The following FANCC variants were observed in gnomAD, a reference collection of about 807,000 sequenced individuals.
FANCC encodes Fanconi anemia group C protein.
A neutral mutation model predicts 71.3 loss-of-function variants in FANCC; 55 were observed. The ratio of observed to expected loss-of-function variants is 0.77; its 90% CI spans 0.62 to 0.97. The LOEUF is 0.97. Among genes scored for constraint, FANCC ranks in the 50% least tolerant of loss-of-function variants. FANCC has a pLI of 0.00. For synonymous variants in FANCC, 275 were observed against 244.9 expected (o/e 1.12, Z -1.15); for missense variants, 678 against 670.9 (o/e 1.01, Z -0.12).
chr9:95,123,835 TG>T (rs1214529248), intron 10 of FANCC: 7 of 657,390 alleles, frequency 1.1e-5, no homozygotes, highest in Admixed American at 5.4e-5. Context: ...GACCTGCGGA[TG>T]CTGCCCCACA....
intron 7 of FANCC, among the ~76,000 whole-genome samples, chr9:95,139,132 G>A (rs1322972891): frequency 4.6e-5 from 7 of 152,184 alleles, no homozygotes; most frequent in Non-Finnish European, 1.0e-4. Flanking sequence ...TCTGAACCAG[G>A]CTGGCTTTAA....
intron 14 of FANCC, among the ~76,000 whole-genome samples, chr9:95,104,312 A>G (rs2071277015): frequency 6.6e-6 from 1 of 152,222 alleles, no homozygotes; most frequent in Non-Finnish European, 1.5e-5. Flanking sequence ...GGGTGCCCAG[A>G]TGGCCAGCAT....
chr9:95,268,191 T>C (rs1008878550), intron 1 of FANCC, among the ~76,000 whole-genome samples: 1 of 152,230 alleles, frequency 6.6e-6, no homozygotes, highest in Non-Finnish European at 1.5e-5. Context: ...CCTGAAATGC[T>C]TCAGGCAACA....
In FANCC at chr9:95,275,909, T is replaced by C. The variant is rs561875603; in HGVS notation, c.-78-26540A>G. Among the ~76,000 whole-genome samples, 3 of 152,146 alleles carry C rather than the reference T, an allele frequency of 2.0e-5. No individual in the cohort carries two copies. In the South Asian group the frequency reaches 6.2e-4, roughly 32 times the overall value. ...CTACACACTCTGAGCATAAGGATCATAAATAGCAGGAGCAGAGAGAGAAGG... is the reference window on the plus strand; with the variant it reads ...CTACACACTCTGAGCATAAGGATCACAAATAGCAGGAGCAGAGAGAGAAGG... On this transcript the variant is annotated intron_variant, in intron 1 of 14. Coordinates refer to ENST00000289081, the MANE Select transcript of FANCC (RefSeq NM_000136.3).
At chr9:95,311,709 C>CTGTGTGTGTGTGTGTGTGTG (rs56187288) in intron 1 of FANCC, among the ~76,000 whole-genome samples, 23 of 144,494 alleles carry the variant, frequency 1.6e-4, no homozygotes, top group South Asian at 4.6e-4. Flanking sequence ...TCCTCTGAAT[C>CTGTGTGTGTGTGTGTGTGTG]TGTGTGTGTG....
intron 12 of FANCC, 56 bp downstream of exon 12, chr9:95,114,573 A>T: frequency 1.4e-6 from 2 of 1,470,210 alleles, no homozygotes; most frequent in Non-Finnish European, 1.9e-6. Flanking sequence ...AGGGCAGATG[A>T]GGATCTAGGG....
intron 4 of FANCC, among the ~76,000 whole-genome samples, chr9:95,194,896 G>A (rs1230929691): frequency 6.6e-6 from 1 of 152,068 alleles, no homozygotes; most frequent in African/African-American, 2.4e-5. Context: ...GGGGTAGCAA[G>A]TATAGAAACT....
At chr9:95,255,571 T>A (rs1417385647) in intron 1 of FANCC, among the ~76,000 whole-genome samples, 1 of 152,084 alleles carries the variant, frequency 6.6e-6, no homozygotes, top group Non-Finnish European at 1.5e-5. Context: ...CAAAGGTAGA[T>A]AAATCCATGA....
At chr9:95,189,848 T>C (rs2135731202) in intron 4 of FANCC, among the ~76,000 whole-genome samples, 1 of 152,314 alleles carries the variant, frequency 6.6e-6, no homozygotes, top group South Asian at 2.1e-4. Flanking sequence ...CTTTTCTTCC[T>C]GGTGCCCACA....
intron 11 of FANCC, among the ~76,000 whole-genome samples, chr9:95,116,100 AAAG>A (rs1309961321): frequency 1.3e-5 from 2 of 152,252 alleles, no homozygotes; most frequent in Non-Finnish European, 2.9e-5. Flanking sequence ...ACACAAACGG[AAAG>A]GTAAAGGGTT....
intron 1 of FANCC, among the ~76,000 whole-genome samples, chr9:95,284,081 G>A (rs1833531387): frequency 6.6e-6 from 1 of 152,200 alleles, no homozygotes; most frequent in African/African-American, 2.4e-5. Context: ...ATTAGTTATT[G>A]TATTTCTAAG....
chr9:95,267,360 A>T (rs184536295), intron 1 of FANCC, among the ~76,000 whole-genome samples: 1 of 152,150 alleles, frequency 6.6e-6, no homozygotes, highest in Admixed American at 6.5e-5. Flanking sequence ...GCAGCCATGA[A>T]TGCCCAGGTA....
chr9:95,283,642 T>C (rs1833500174), intron 1 of FANCC, among the ~76,000 whole-genome samples: 1 of 152,252 alleles, frequency 6.6e-6, no homozygotes, highest in African/African-American at 2.4e-5. Flanking sequence ...TTACTCACTA[T>C]GTTCCAATTA....
intron 3 of FANCC, among the ~76,000 whole-genome samples, chr9:95,241,228 T>A (rs1044129283): frequency 6.6e-6 from 1 of 152,266 alleles, no homozygotes; most frequent in Non-Finnish European, 1.5e-5. Context: ...TTTAATTTTT[T>A]AATTTGCCAA....
intron 7 of FANCC, among the ~76,000 whole-genome samples, chr9:95,143,606 G>A (rs150391329): frequency 1.5e-3 from 227 of 152,288 alleles, no homozygotes; most frequent in Non-Finnish European, 1.9e-3. Flanking sequence ...CGAGATCACC[G>A]TCATGCCTTC....
intron 8 of FANCC, among the ~76,000 whole-genome samples, chr9:95,129,698 C>T (rs986095585): frequency 6.6e-6 from 1 of 152,230 alleles, no homozygotes; most frequent in Non-Finnish European, 1.5e-5. Context: ...ACAATTTCCA[C>T]AGGCAGATCA....
Position 95,149,297 on chromosome 9 carries a change from G to A in FANCC, c.686+626C>T, listed in dbSNP as rs80012246. ...AGTCGCTGGGGCCTACCTGAGCAAC[G>A]GTAGGAGGGAGAGGAGCAGAAAAGG... On this transcript the variant is annotated intron_variant, in intron 7 of 14. Coordinates refer to ENST00000289081, the MANE Select transcript of FANCC (RefSeq NM_000136.3). Among the ~76,000 whole-genome samples, 20 of 152,166 alleles carry A rather than the reference G, an allele frequency of 1.3e-4. No individual in the cohort carries two copies. In the South Asian group the frequency reaches 3.5e-3, roughly 27 times the overall value.
At chr9:95,282,166 C>T (rs377275180) in intron 1 of FANCC, among the ~76,000 whole-genome samples, 2 of 151,778 alleles carry the variant, frequency 1.3e-5, no homozygotes, top group Admixed American at 6.6e-5. Flanking sequence ...CTACAAAAGA[C>T]TTGCCTCACC....
chr9:95,188,830 A>G (rs1317258041), intron 4 of FANCC, among the ~76,000 whole-genome samples: 1 of 152,144 alleles, frequency 6.6e-6, no homozygotes, highest in Non-Finnish European at 1.5e-5. Flanking sequence ...CCTGTCCTCA[A>G]GCCTAATCTG....
Sources: gnomAD v4.1 joint callset for allele counts (sites outside exome capture counted in the v4.1 genomes callset) on GRCh38, gnomAD v4.1.1 for gene constraint, MANE v1.5 for transcripts, NCBI Gene and HGNC (gene_info 2026-07-23, HGNC 2026-07-21) for gene names.